TOM1L1: variants seen among roughly 807,000 people sequenced by gnomAD.
TOM1L1 encodes the protein TOM1-like protein 1.
In TOM1L1, 64 loss-of-function variants were observed where a neutral mutation model predicts 63.4. That is an observed-to-expected ratio of 1.01 (90% CI 0.83 to 1.24). TOM1L1 has a LOEUF of 1.24. TOM1L1 is among the 50% of genes most tolerant of loss of function. The pLI, the probability that TOM1L1 is intolerant of heterozygous loss-of-function variation, is 0.00. For synonymous variants in TOM1L1, 166 were observed against 194.4 expected (o/e 0.85, Z 1.22); for missense variants, 536 against 567.0 (o/e 0.95, Z 0.55).
intron 7 of TOM1L1, among the ~76,000 whole-genome samples, chr17:54,925,925 A>ACAAC (rs1369143296): frequency 1.1e-3 from 120 of 113,386 alleles, no homozygotes; most frequent in African/African-American, 3.8e-3. Context: ...ACAACAAAAA[A>ACAAC]AAAAGCAGCC....
At position 54,932,651 on chromosome 17, in the gene TOM1L1, C is replaced by T. The variant is rs895532249; in HGVS notation, c.854+2445C>T. On this transcript the variant is annotated intron_variant, in intron 8 of 15. Transcript: ENST00000575882. ...GCCCAGGCTGGTCTTGAACTCTTGA[C>T]CTCAGGTGATCCACCCTCCTTGGCC... Among the ~76,000 whole-genome samples, 126 of 152,166 alleles carry T rather than the reference C, an allele frequency of 8.3e-4. 1 individual carries two copies. The highest frequency in any genetic ancestry group is 7.4e-5 in the Non-Finnish European group (5 of 67,996).
Position 54,914,694 on chromosome 17 carries a change from C to G in TOM1L1, c.554C>G (p.Ser185Cys). 6.2e-7 allele frequency: 1 copy of G among 1,614,032 alleles called. No homozygotes were observed. Among genetic ancestry groups the G allele is most frequent in the Non-Finnish European group, 8.5e-7 (1 of 1,179,934 alleles). ...PTSVPTAPAL[S>C]SVIAPKNSTV... ...TCTGTCCCTACTGCACCAGCTCTTT[C>G]TTCTGTAATTGCTCCAAAGAACTCG... Residue 185 changes from serine (S) to cysteine (C), a missense_variant, in exon 6 of 16, where the codon TCT (serine) becomes TGT (cysteine). Coordinates refer to ENST00000575882, the MANE Select transcript of TOM1L1 (RefSeq NM_005486.3).
intron 8 of TOM1L1, 26 bp from the exon 9 acceptor site, chr17:54,936,621 AAC>A: frequency 6.4e-7 from 1 of 1,568,532 alleles, no homozygotes; most frequent in Non-Finnish European, 8.6e-7. Context: ...TTTTTTTAAA[AAC>A]ACATGCATTT....
intron 3 of TOM1L1, among the ~76,000 whole-genome samples, chr17:54,910,630 A>C (rs2048483137): frequency 6.6e-6 from 1 of 152,228 alleles, no homozygotes; most frequent in Non-Finnish European, 1.5e-5. Flanking sequence ...TTCGCCCGTT[A>C]AAAATTCATT....
chr17:54,936,486 C>A, intron 8 of TOM1L1, 163 bp from the exon 9 acceptor site: 1 of 596,886 alleles, frequency 1.7e-6, no homozygotes, highest in Non-Finnish European at 2.9e-6. Context: ...TATGAATACT[C>A]TGTAAGCTGG....
chr17:54,919,975 GT>G (rs912409548), intron 7 of TOM1L1, among the ~76,000 whole-genome samples: 1 of 148,570 alleles, frequency 6.7e-6, no homozygotes, highest in Non-Finnish European at 1.5e-5. Context: ...TTTGGTTTTG[GT>G]TTTTTATTGA....
chr17:54,918,303 G>A (rs7216138), intron 7 of TOM1L1, among the ~76,000 whole-genome samples: 42,962 of 152,070 alleles, frequency 0.28, 6,167 homozygotes, highest in Middle Eastern at 0.32. Flanking sequence ...AAACAAAACA[G>A]CTAGAGGTCA....
chr17:54,911,049 A>G (rs1179843991), intron 3 of TOM1L1, among the ~76,000 whole-genome samples: 1 of 152,200 alleles, frequency 6.6e-6, no homozygotes, highest in Non-Finnish European at 1.5e-5. Context: ...TTTTTAGTTT[A>G]CTTTTAGAAA....
At chr17:54,903,116 G>A (rs1453388708) in intron 1 of TOM1L1, among the ~76,000 whole-genome samples, 1 of 152,166 alleles carries the variant, frequency 6.6e-6, no homozygotes, top group Non-Finnish European at 1.5e-5. Flanking sequence ...CTTTTATTTG[G>A]AGTTGTGCCA....
intron 1 of TOM1L1, chr17:54,901,272 A>G: frequency 2.8e-6 from 1 of 355,324 alleles, no homozygotes; most frequent in Non-Finnish European, 5.2e-6. Flanking sequence ...CTAAAGGCAC[A>G]TTCTCCAGGG....
Position 54,900,943 on chromosome 17 carries a change from G to C in TOM1L1, c.58+20G>C, listed in dbSNP as rs377094499. The stretch of plus-strand genomic sequence containing the variant: ...TCATAGGTAAGGAGGCGCGGGGAGA[G>C]ACGCCCAGGCAGGCAGGGGACCGTG... On this transcript the variant is annotated intron_variant, in intron 1 of 15. Coordinates refer to ENST00000575882, the MANE Select transcript of TOM1L1 (RefSeq NM_005486.3). The C allele has an allele frequency of 7.9e-5, 128 of 1,613,654 alleles. No individual in the cohort carries two copies. Among genetic ancestry groups the C allele is most frequent in the Non-Finnish European group, 1.1e-4 (124 of 1,180,020 alleles).
chr17:54,907,218 G>C (rs960611169), intron 3 of TOM1L1, among the ~76,000 whole-genome samples: 5 of 149,442 alleles, frequency 3.3e-5, no homozygotes, highest in Non-Finnish European at 7.4e-5. Context: ...TGGAGAAGAC[G>C]GGAGAGAGGA....
intron 14 of TOM1L1, chr17:54,954,188 G>T (rs1256723580): frequency 1.3e-5 from 2 of 152,224 alleles, no homozygotes; most frequent in African/African-American, 4.8e-5. Flanking sequence ...CATGGTGGCA[G>T]ATTTATCTTC....
At chr17:54,935,689 T>G (rs555170017) in intron 8 of TOM1L1, among the ~76,000 whole-genome samples, 3 of 152,312 alleles carry the variant, frequency 2.0e-5, no homozygotes, top group South Asian at 2.1e-4. Context: ...GTACTAACAC[T>G]GACACTTAAA....
intron 12 of TOM1L1, among the ~76,000 whole-genome samples, chr17:54,949,203 A>ATTTTTTTTTTTTTTTTT (rs58407367): frequency 4.1e-5 from 5 of 122,292 alleles, no homozygotes; most frequent in Non-Finnish European, 6.6e-5. Flanking sequence ...ATGCCCAGCT[A>ATTTTTTTTTTTTTTTTT]TTTTTTTTTT....
At chr17:54,959,053 A>G (rs1351876247) in intron 14 of TOM1L1, 1 of 152,238 alleles carries the variant, frequency 6.6e-6, no homozygotes, top group Non-Finnish European at 1.5e-5. Context: ...CATTTAATGT[A>G]TTAAGAATGC....
intron 14 of TOM1L1, chr17:54,956,616 T>G (rs969664225): frequency 6.6e-6 from 1 of 151,814 alleles, no homozygotes; most frequent in Admixed American, 6.6e-5. Flanking sequence ...GCCTTTTAAT[T>G]TTTTTCTTTT....
intron 15 of TOM1L1, 33 bp downstream of exon 15, chr17:54,960,660 T>C (rs1202860156): frequency 1.1e-5 from 16 of 1,471,018 alleles, no homozygotes; most frequent in Middle Eastern, 2.1e-4. Flanking sequence ...CTTAATTCCA[T>C]ATTCCATATA....
intron 11 of TOM1L1, among the ~76,000 whole-genome samples, chr17:54,945,358 G>T (rs2055429232): frequency 6.6e-6 from 1 of 152,088 alleles, no homozygotes; most frequent in Non-Finnish European, 1.5e-5. Context: ...ATAGCATTTG[G>T]GGGGCCACCA....
Sources: gnomAD v4.1 joint callset for allele counts (sites outside exome capture counted in the v4.1 genomes callset) on GRCh38, gnomAD v4.1.1 for gene constraint, MANE v1.5 for transcripts, NCBI Gene and HGNC (gene_info 2026-07-23, HGNC 2026-07-21) for gene names.